The following SORCS3 variants were observed in gnomAD, a reference collection of about 807,000 sequenced individuals.
The protein encoded by SORCS3 is VPS10 domain-containing receptor SorCS3.
SORCS3 carries 57 observed loss-of-function variants against 146.3 expected under a neutral mutation model. The observed-to-expected ratio is 0.39, with a 90% CI of 0.31 to 0.49. The LOEUF (loss-of-function observed/expected upper bound fraction) is 0.49, where lower values mean the gene tolerates loss of function less well. Ranked by LOEUF, SORCS3 falls within the 20% of genes least tolerant of loss-of-function variation. The probability of loss-of-function intolerance (pLI) is 0.92; values close to 1 mark genes in which losing one functional copy is unlikely to be tolerated. For missense variants in SORCS3, 1,341 were observed against 1,575.5 expected, an observed-to-expected ratio of 0.85 and a Z score of 2.52; for synonymous variants, 653 against 618.5, an observed-to-expected ratio of 1.06 and a Z score of -0.83.
intron 20 of SORCS3, among the ~76,000 whole-genome samples, chr10:105,243,025 A>ATATATATTTACATATATTTATATATATT (rs1554889604): frequency 0.07 from 9,013 of 129,102 alleles, 558 homozygotes; most frequent in Admixed American, 0.11. Flanking sequence ...ATATTTATAC[A>ATATATATTTACATATATTTATATATATT]TATATATTTA....
intron 3 of SORCS3, among the ~76,000 whole-genome samples, chr10:104,930,537 C>T (rs2019196310): frequency 6.6e-6 from 1 of 152,178 alleles, no homozygotes; most frequent in Non-Finnish European, 1.5e-5. Flanking sequence ...GAGAAGAAGT[C>T]ACGGGAGTTG....
intron 3 of SORCS3, among the ~76,000 whole-genome samples, chr10:104,940,238 A>ATATATAT (rs1435205868): frequency 9.5e-5 from 3 of 31,520 alleles, no homozygotes; most frequent in Admixed American, 4.1e-4. Flanking sequence ...ATATATATAT[A>ATATATAT]TTTTTTTTTT....
At chr10:105,223,013 T>A (rs2056712897) in intron 19 of SORCS3, 103 bp from the exon 20 acceptor site, 2 of 1,268,104 alleles carry the variant, frequency 1.6e-6, no homozygotes, top group Non-Finnish European at 1.1e-6. Context: ...CTTCCTTTTT[T>A]ACAGGAGATG....
intron 1 of SORCS3, among the ~76,000 whole-genome samples, chr10:104,646,939 A>G (rs1199101000): frequency 6.6e-6 from 1 of 152,082 alleles, no homozygotes; most frequent in East Asian, 1.9e-4. Flanking sequence ...TAGTCAGTGG[A>G]GATGAGGGAG....
chr10:105,250,388 A>C (rs1165800169), intron 22 of SORCS3, among the ~76,000 whole-genome samples: 4 of 152,172 alleles, frequency 2.6e-5, no homozygotes, highest in African/African-American at 9.7e-5. Context: ...CTAGCTTTTT[A>C]GGAAATAACT....
At chr10:104,775,996 G>A (rs2017303377) in intron 1 of SORCS3, among the ~76,000 whole-genome samples, 1 of 152,152 alleles carries the variant, frequency 6.6e-6, no homozygotes, top group African/African-American at 2.4e-5. Flanking sequence ...TTGGTGTTGA[G>A]CACTAAGGGT....
At chr10:104,681,666 G>C (rs2015977417) in intron 1 of SORCS3, among the ~76,000 whole-genome samples, 1 of 152,100 alleles carries the variant, frequency 6.6e-6, no homozygotes, top group Admixed American at 6.5e-5. Flanking sequence ...ATGGCCAGTT[G>C]CACCCTCACC....
At chr10:105,188,234 A>G (rs1166669606) in intron 14 of SORCS3, among the ~76,000 whole-genome samples, 1 of 152,190 alleles carries the variant, frequency 6.6e-6, no homozygotes, top group Non-Finnish European at 1.5e-5. Flanking sequence ...TTATTTTCTT[A>G]TCTACAGATT....
intron 5 of SORCS3, among the ~76,000 whole-genome samples, chr10:105,057,299 G>T (rs897416266): frequency 2.0e-5 from 3 of 152,006 alleles, no homozygotes; most frequent in African/African-American, 7.2e-5. Context: ...TTTTTTTAAT[G>T]ACAGAAGACC....
At chr10:104,732,738 C>A (rs550162750) in intron 1 of SORCS3, among the ~76,000 whole-genome samples, 3 of 152,200 alleles carry the variant, frequency 2.0e-5, no homozygotes, top group African/African-American at 7.2e-5. Flanking sequence ...ACCATGCTAA[C>A]AGGCAGGGAT....
intron 6 of SORCS3, among the ~76,000 whole-genome samples, chr10:105,095,040 C>T (rs2055736192): frequency 6.6e-6 from 1 of 152,166 alleles, no homozygotes; most frequent in Admixed American, 6.6e-5. Flanking sequence ...ATATTTCCCC[C>T]AGCTGCAGTC....
At chr10:104,741,329 A>C (rs979235203) in intron 1 of SORCS3, among the ~76,000 whole-genome samples, 5 of 151,884 alleles carry the variant, frequency 3.3e-5, no homozygotes, top group African/African-American at 1.2e-4. Context: ...CAACCATCAT[A>C]ACAGCACACT....
At chr10:105,012,077 A>G (rs917440558) in intron 4 of SORCS3, among the ~76,000 whole-genome samples, 14 of 152,298 alleles carry the variant, frequency 9.2e-5, no homozygotes, top group Admixed American at 5.9e-4. Flanking sequence ...GTTTCAGAGC[A>G]TTCTTCAGCC....
intron 7 of SORCS3, among the ~76,000 whole-genome samples, chr10:105,111,421 T>A (rs2055858379): frequency 6.6e-6 from 1 of 152,176 alleles, no homozygotes; most frequent in Non-Finnish European, 1.5e-5. Flanking sequence ...ACTCAATAAA[T>A]GTTTGCTGAA....
intron 4 of SORCS3, among the ~76,000 whole-genome samples, chr10:105,028,124 A>G (rs939510811): frequency 1.3e-5 from 2 of 152,114 alleles, no homozygotes; most frequent in South Asian, 2.1e-4. Context: ...GTGTGTGTGT[A>G]TTTGCTTACT....
intron 25 of SORCS3, among the ~76,000 whole-genome samples, chr10:105,259,771 T>G (rs1000516106): frequency 6.6e-6 from 1 of 152,168 alleles, no homozygotes; most frequent in African/African-American, 2.4e-5. Flanking sequence ...CCACTTTGCT[T>G]TCTCTAAATT....
intron 20 of SORCS3, among the ~76,000 whole-genome samples, chr10:105,238,444 A>C (rs569398510): frequency 6.6e-6 from 1 of 152,268 alleles, no homozygotes; most frequent in South Asian, 2.1e-4. Context: ...GTCATATACA[A>C]AGTTGAGCCT....
intron 3 of SORCS3, among the ~76,000 whole-genome samples, chr10:104,972,729 A>G (rs559941639): frequency 6.6e-6 from 1 of 152,198 alleles, no homozygotes; most frequent in East Asian, 1.9e-4. Flanking sequence ...TTCCAACACT[A>G]TGTTGAATAG....
intron 1 of SORCS3, among the ~76,000 whole-genome samples, chr10:104,824,298 A>G (rs1262552015): frequency 6.6e-6 from 1 of 151,060 alleles, no homozygotes; most frequent in Admixed American, 6.6e-5. Context: ...CTCTAGCCTC[A>G]GAAGACAATG....
Sources: allele counts gnomAD v4.1 joint callset (sites outside exome capture counted in the v4.1 genomes callset), GRCh38; gene constraint gnomAD v4.1.1; transcripts MANE v1.5; gene names NCBI Gene and HGNC (gene_info 2026-07-23, HGNC 2026-07-21).